BRD3OS: variants seen among roughly 807,000 people sequenced by gnomAD.
BRD3OS encodes the protein uncharacterized protein BRD3OS.
At position 134,031,213 on chromosome 9, in the gene BRD3OS, C is replaced by T. The variant is rs191163945; in HGVS notation, c.*4211C>T. 70 of 219,152 alleles carry T rather than the reference C, an allele frequency of 3.2e-4. 1 individual carries two copies. The Admixed American group carries it at 3.3e-3, about 10-fold the overall frequency. The allele number at this position is 219,152 out of a possible 1,614,324, so 13.6% of individuals were successfully genotyped here. A position where few individuals can be genotyped will look rare whatever the true frequency, so the allele number is the denominator to read the frequency against. On this transcript the variant is annotated 3_prime_UTR_variant, in exon 3 of 3. Coordinates refer to ENST00000603928, the MANE Select transcript of BRD3OS (RefSeq NM_001355256.2). ...GACGCCACCGTCACAGAGAACCAGC[C>T]GAGAAGGAAAGGCCCCACGATGCTC...
In BRD3OS at chr9:134,030,953, T is replaced by C. The variant is rs1588266468; in HGVS notation, c.*3951T>C. Reference sequence around the variant, plus strand: ...AGGTCTCAGCAGTGGGACAATCTAATTGAATCACCGCAGCCTTCTAATACA... The same window carrying C: ...AGGTCTCAGCAGTGGGACAATCTAACTGAATCACCGCAGCCTTCTAATACA... On this transcript the variant is annotated 3_prime_UTR_variant, in exon 3 of 3. Transcript: ENST00000603928. 1.7e-5 allele frequency: 4 copies of C among 230,874 alleles called. No homozygotes were observed. The East Asian group carries it at 2.4e-4, about 14-fold the overall frequency. The allele number at this position is 230,874 out of a possible 1,614,324, so 14.3% of individuals were successfully genotyped here.
rs1471205687 is a variant in BRD3OS at position 134,026,053 on chromosome 9, C to G, written c.-578C>G. ...GAAAAAGCTGGCACTGGGCGCCCGT[C>G]TCACTCTCCACCCAGCTCCCAGGCT... On this transcript the variant is annotated 5_prime_UTR_variant, in exon 2 of 3. Coordinates refer to ENST00000603928, the MANE Select transcript of BRD3OS (RefSeq NM_001355256.2). The surrounding 1 kb of genome is among the most constrained non-coding windows in gnomAD (Gnocchi z 4.4). The G allele has an allele frequency of 6.5e-6, 1 of 152,814 alleles. No homozygotes were observed. The highest frequency in any genetic ancestry group is 1.9e-4 in the East Asian group (1 of 5,210). The allele number at this position is 152,814 out of a possible 1,614,324, so 9.5% of individuals were successfully genotyped here. A position where few individuals can be genotyped will look rare whatever the true frequency, so the allele number is the denominator to read the frequency against.
At position 134,026,911 on chromosome 9, in the gene BRD3OS, A is replaced by C; in HGVS notation, c.164A>C (p.Gln55Pro). Residue 55 changes from glutamine (Q) to proline (P), a missense_variant, in exon 3 of 3, where the codon CAG (glutamine) becomes CCG (proline). By Grantham distance (76) the Gln-to-Pro change is moderately conservative (BLOSUM62 -1). Transcript: ENST00000603928. This position sits in a 1 kb window ranked among gnomAD's most constrained non-coding sequence, Gnocchi z 4.4. ...AGGAGCCGAAGCATGTGGTACTCAC[A>C]GTATGGAAATGAGGCCATCTTGGTC... ...LSRSRSMWYS[Q>P]YGNEAILVRD... 7.5e-6 allele frequency: 3 copies of C among 398,986 alleles called. No individual in the cohort carries two copies. In the South Asian group the frequency reaches 3.8e-4, roughly 51 times the overall value. The allele number at this position is 398,986 out of a possible 1,614,324, so 24.7% of individuals were successfully genotyped here. A position where few individuals can be genotyped will look rare whatever the true frequency, so the allele number is the denominator to read the frequency against.
Position 134,030,183 on chromosome 9 carries a change from C to T in BRD3OS, c.*3181C>T, listed in dbSNP as rs926524610. ...GATGTCAAGTGTGGGGAGCTCAGCA[C>T]CCTTGCTGTGGACCAGTGAAGGCTG... On this transcript the variant is annotated 3_prime_UTR_variant, in exon 3 of 3. Transcript: ENST00000603928. 3 of 154,846 alleles carry T rather than the reference C, an allele frequency of 1.9e-5. No homozygotes were observed. Among genetic ancestry groups the T allele is most frequent in the African/African-American group, 7.2e-5 (3 of 41,396 alleles). 9.6% of individuals were successfully genotyped at this position (154,846 alleles called of 1,614,324 possible).
Position 134,027,228 on chromosome 9 carries a change from C to T in BRD3OS, c.*226C>T. On this transcript the variant is annotated 3_prime_UTR_variant, in exon 3 of 3. Transcript: ENST00000603928. ...GGACACTTCCCCTCTAGAGTCCCCT[C>T]CGTGGTCAGCTGTTGTGACATTTGA... 2.9e-6 allele frequency: 1 copy of T among 343,902 alleles called. No individual in the cohort carries two copies. Among genetic ancestry groups the T allele is most frequent in the Non-Finnish European group, 5.2e-6 (1 of 192,024 alleles). 21.3% of individuals were successfully genotyped at this position (343,902 alleles called of 1,614,324 possible). A position where few individuals can be genotyped will look rare whatever the true frequency, so the allele number is the denominator to read the frequency against.
Position 134,026,046 on chromosome 9 carries a change from C to G in BRD3OS, c.-585C>G, listed in dbSNP as rs1843425410. 1 of 152,650 alleles carries G rather than the reference C, an allele frequency of 6.6e-6. No homozygotes were observed. Among genetic ancestry groups the G allele is most frequent in the African/African-American group, 2.4e-5 (1 of 41,338 alleles). 9.5% of individuals were successfully genotyped at this position (152,650 alleles called of 1,614,324 possible). ...AGTGACTGAAAAAGCTGGCACTGGG[C>G]GCCCGTCTCACTCTCCACCCAGCTC... On this transcript the variant is annotated 5_prime_UTR_variant, in exon 2 of 3. Coordinates refer to ENST00000603928, the MANE Select transcript of BRD3OS (RefSeq NM_001355256.2). The surrounding 1 kb of genome is among the most constrained non-coding windows in gnomAD (Gnocchi z 4.4).
chr9:134,026,566 T>G lies in BRD3OS; in HGVS notation c.-182T>G. 2.6e-6 allele frequency: 1 copy of G among 385,964 alleles called. No individual in the cohort carries two copies. The highest frequency in any genetic ancestry group is 4.6e-6 in the Non-Finnish European group (1 of 218,566). 23.9% of individuals were successfully genotyped at this position (385,964 alleles called of 1,614,324 possible). ...TTCAGAATGGTGAGGCCGCCTCATTTCCTCACCACACAACCCTCCTGAGGA... is the reference window on the plus strand; with the variant it reads ...TTCAGAATGGTGAGGCCGCCTCATTGCCTCACCACACAACCCTCCTGAGGA... On this transcript the variant is annotated 5_prime_UTR_variant, in exon 3 of 3. Transcript: ENST00000603928. The surrounding 1 kb of genome is among the most constrained non-coding windows in gnomAD (Gnocchi z 4.4).
rs1053574932 is a variant in BRD3OS at position 134,031,127 on chromosome 9, A to G, written c.*4125A>G. 4.4e-6 allele frequency: 1 copy of G among 228,356 alleles called. No individual in the cohort carries two copies. Among genetic ancestry groups the G allele is most frequent in the Admixed American group, 5.7e-5 (1 of 17,582 alleles). The allele number at this position is 228,356 out of a possible 1,614,324, so 14.1% of individuals were successfully genotyped here. On this transcript the variant is annotated 3_prime_UTR_variant, in exon 3 of 3. Transcript: ENST00000603928. Reference sequence around the variant, plus strand: ...CAGCACCAATGCAGCTGCTCAGTGTACCCGCCGTGGGCTGTCAGGGTCAGT... The same window carrying G: ...CAGCACCAATGCAGCTGCTCAGTGTGCCCGCCGTGGGCTGTCAGGGTCAGT...
In BRD3OS at chr9:134,030,602, G is replaced by C. The variant is rs1375029677; in HGVS notation, c.*3600G>C. The C allele has an allele frequency of 4.5e-6, 1 of 224,670 alleles. No homozygotes were observed. Among genetic ancestry groups the C allele is most frequent in the Admixed American group, 5.7e-5 (1 of 17,438 alleles). The allele number at this position is 224,670 out of a possible 1,614,324, so 13.9% of individuals were successfully genotyped here. A position where few individuals can be genotyped will look rare whatever the true frequency, so the allele number is the denominator to read the frequency against. On this transcript the variant is annotated 3_prime_UTR_variant, in exon 3 of 3. Transcript: ENST00000603928. ...AAATATAAAAAAGAAAAACTTCCTG[G>C]AAGCATTATGCCAGTATTAAGGAAC...
At position 134,031,115 on chromosome 9, in the gene BRD3OS, G is replaced by A. The variant is rs1843504995; in HGVS notation, c.*4113G>A. 3 of 229,170 alleles carry A rather than the reference G, an allele frequency of 1.3e-5. No homozygotes were observed. The South Asian group carries it at 5.5e-4, about 42-fold the overall frequency. The allele number at this position is 229,170 out of a possible 1,614,324, so 14.2% of individuals were successfully genotyped here. The stretch of plus-strand genomic sequence containing the variant: ...TTAAAAAAGTGACAGCACCAATGCA[G>A]CTGCTCAGTGTACCCGCCGTGGGCT... On this transcript the variant is annotated 3_prime_UTR_variant, in exon 3 of 3. Coordinates refer to ENST00000603928, the MANE Select transcript of BRD3OS (RefSeq NM_001355256.2).
Position 134,028,076 on chromosome 9 carries a change from C to T in BRD3OS, c.*1074C>T, listed in dbSNP as rs188137980. ...TCTTGTCAAAGCTAATTTTTCTTTT[C>T]TAAATAAACATCCTTTAATACACTC... On this transcript the variant is annotated 3_prime_UTR_variant, in exon 3 of 3. Coordinates refer to ENST00000603928, the MANE Select transcript of BRD3OS (RefSeq NM_001355256.2). The T allele has an allele frequency of 4.6e-5, 7 of 152,364 alleles. No homozygotes were observed. The East Asian group carries it at 1.2e-3, about 25-fold the overall frequency. 9.4% of individuals were successfully genotyped at this position (152,364 alleles called of 1,614,324 possible). A position where few individuals can be genotyped will look rare whatever the true frequency, so the allele number is the denominator to read the frequency against.
chr9:134,030,710 GAAC>G lies in BRD3OS; in HGVS notation c.*3717_*3719del, dbSNP rs1044604953. The G allele has an allele frequency of 3.9e-5, 9 of 231,196 alleles. No homozygotes were observed. The highest frequency in any genetic ancestry group is 1.3e-4 in the African/African-American group (6 of 45,204). 14.3% of individuals were successfully genotyped at this position (231,196 alleles called of 1,614,324 possible). ...TGTCAGAGGCGTGAGTGCTGCAAAA[GAAC>G]AACAACAAAAACAAACACACAAAAA... On this transcript the variant is annotated 3_prime_UTR_variant, in exon 3 of 3. Transcript: ENST00000603928.
rs1843484205 is a variant in BRD3OS at position 134,029,841 on chromosome 9, A to T, written c.*2839A>T. 1 of 152,246 alleles carries T rather than the reference A, an allele frequency of 6.6e-6. No homozygotes were observed. The highest frequency in any genetic ancestry group is 2.1e-4 in the South Asian group (1 of 4,834). The allele number at this position is 152,246 out of a possible 1,614,324, so 9.4% of individuals were successfully genotyped here. A position where few individuals can be genotyped will look rare whatever the true frequency, so the allele number is the denominator to read the frequency against. ...TCGAAGAGGGCAGCTTGTTCCAGGGAACCAATGAACTGTCAGTAAAGGGGA... is the reference window on the plus strand; with the variant it reads ...TCGAAGAGGGCAGCTTGTTCCAGGGTACCAATGAACTGTCAGTAAAGGGGA... On this transcript the variant is annotated 3_prime_UTR_variant, in exon 3 of 3. Coordinates refer to ENST00000603928, the MANE Select transcript of BRD3OS (RefSeq NM_001355256.2).
rs963862758 is a variant in BRD3OS, at chr9:134,027,288, G to A, written c.*286G>A. 6.4e-5 allele frequency: 17 copies of A among 266,944 alleles called. No homozygotes were observed. The highest frequency in any genetic ancestry group is 3.3e-4 in the African/African-American group (15 of 45,636). 16.5% of individuals were successfully genotyped at this position (266,944 alleles called of 1,614,324 possible). A position where few individuals can be genotyped will look rare whatever the true frequency, so the allele number is the denominator to read the frequency against. ...GTGCTGCTAGGGACAGCATAGGCCC[G>A]GGCACTGCTAGATGCTTGGTTTAAA... On this transcript the variant is annotated 3_prime_UTR_variant, in exon 3 of 3. Coordinates refer to ENST00000603928, the MANE Select transcript of BRD3OS (RefSeq NM_001355256.2).
In BRD3OS at chr9:134,027,183, C is replaced by A; in HGVS notation, c.*181C>A. ...TGGCCCCCGAACCCCTCAGCACAGC[C>A]GCGGTGTGACTGGTGCACAGGACAC... On this transcript the variant is annotated 3_prime_UTR_variant, in exon 3 of 3. Transcript: ENST00000603928. 1 of 376,406 alleles carries A rather than the reference C, an allele frequency of 2.7e-6. No individual in the cohort carries two copies. Among genetic ancestry groups the A allele is most frequent in the Non-Finnish European group, 4.7e-6 (1 of 212,534 alleles). 23.3% of individuals were successfully genotyped at this position (376,406 alleles called of 1,614,324 possible).
At position 134,031,190 on chromosome 9, in the gene BRD3OS, C is replaced by T. The variant is rs931950690; in HGVS notation, c.*4188C>T. On this transcript the variant is annotated 3_prime_UTR_variant, in exon 3 of 3. Transcript: ENST00000603928. ...GATGAAAGGAGCAGAGGCGAGCCGA[C>T]GCCACCGTCACAGAGAACCAGCCGA... The T allele has an allele frequency of 6.7e-5, 15 of 222,484 alleles. No individual in the cohort carries two copies. The highest frequency in any genetic ancestry group is 1.1e-4 in the Non-Finnish European group (12 of 111,356). The allele number at this position is 222,484 out of a possible 1,614,324, so 13.8% of individuals were successfully genotyped here. A position where few individuals can be genotyped will look rare whatever the true frequency, so the allele number is the denominator to read the frequency against.
rs915791362 is a variant in BRD3OS, at chr9:134,029,468, G to A, written c.*2466G>A. 6.6e-6 allele frequency: 1 copy of A among 152,302 alleles called. No homozygotes were observed. Among genetic ancestry groups the A allele is most frequent in the Non-Finnish European group, 1.5e-5 (1 of 68,112 alleles). The allele number at this position is 152,302 out of a possible 1,614,324, so 9.4% of individuals were successfully genotyped here. ...CCCCATGTCCGTCCTCAAGGAGGCT[G>A]GTCTGGATGAGAAGGGTCACAGTCT... On this transcript the variant is annotated 3_prime_UTR_variant, in exon 3 of 3. Transcript: ENST00000603928.
In BRD3OS at chr9:134,029,333, T is replaced by C. The variant is rs1843476003; in HGVS notation, c.*2331T>C. ...CACGTTGCAACGCTGGCAGGATGTG[T>C]GCTCAAGGGCCAGTCTCTGCAGGGG... On this transcript the variant is annotated 3_prime_UTR_variant, in exon 3 of 3. Coordinates refer to ENST00000603928, the MANE Select transcript of BRD3OS (RefSeq NM_001355256.2). The C allele has an allele frequency of 6.6e-6, 1 of 152,232 alleles. No homozygotes were observed. The highest frequency in any genetic ancestry group is 1.5e-5 in the Non-Finnish European group (1 of 68,066). The allele number at this position is 152,232 out of a possible 1,614,324, so 9.4% of individuals were successfully genotyped here.
Position 134,031,432 on chromosome 9 carries a change from C to T in BRD3OS, c.*4430C>T, listed in dbSNP as rs561633214. 1.9e-5 allele frequency: 4 copies of T among 206,308 alleles called. No homozygotes were observed. Among genetic ancestry groups the T allele is most frequent in the African/African-American group, 4.6e-5 (2 of 43,796 alleles). 12.8% of individuals were successfully genotyped at this position (206,308 alleles called of 1,614,324 possible). ...GCCTGCGTGAAGACCTGTCAACTGT[C>T]GTGTGTGAATTCCTTAAATTCGGTT... On this transcript the variant is annotated 3_prime_UTR_variant, in exon 3 of 3. Coordinates refer to ENST00000603928, the MANE Select transcript of BRD3OS (RefSeq NM_001355256.2).
Sources: allele counts gnomAD v4.1 joint callset, GRCh38; gene constraint gnomAD v4.1.1; non-coding constraint Gnocchi (gnomAD v3.1); transcripts MANE v1.5; gene names NCBI Gene and HGNC (gene_info 2026-07-23, HGNC 2026-07-21).